Variants in IL5RA observed in about 807,000 individuals in gnomAD.
IL5RA encodes the protein interleukin 5 receptor subunit alpha, also known as interleukin-5 receptor subunit alpha.
A neutral mutation model predicts 50.0 loss-of-function variants in IL5RA; 49 were observed. That is an observed-to-expected ratio of 0.98 (90% CI 0.78 to 1.24). The LOEUF is 1.24. Ranked by LOEUF, IL5RA falls within the 50% of genes most tolerant of loss-of-function variation. The pLI, the probability that IL5RA is intolerant of heterozygous loss-of-function variation, is 0.00. For synonymous variants in IL5RA, 202 were observed against 174.0 expected, an observed-to-expected ratio of 1.16 and a Z score of -1.26; for missense variants, 600 against 500.4, an observed-to-expected ratio of 1.20 and a Z score of -1.90.
At chr3:3,086,172 C>G (rs1702853782) in intron 9 of IL5RA, among the ~76,000 whole-genome samples, 1 of 152,220 alleles carries the variant, frequency 6.6e-6, no homozygotes, top group African/African-American at 2.4e-5. Context: ...TGACCAAAGA[C>G]ACGGCCAGAA....
At chr3:3,088,199 C>T (rs182832951) in intron 9 of IL5RA, among the ~76,000 whole-genome samples, 13 of 152,250 alleles carry the variant, frequency 8.5e-5, no homozygotes, top group Non-Finnish European at 1.5e-4. Flanking sequence ...TTAAAATAAG[C>T]GCTCGTTATG....
chr3:3,071,876 C>T (rs1311409976), intron 11 of IL5RA, among the ~76,000 whole-genome samples: 1 of 152,176 alleles, frequency 6.6e-6, no homozygotes, highest in Non-Finnish European at 1.5e-5. Context: ...AGGTATGAGC[C>T]ACTGTGACCG....
chr3:3,104,921 A>G lies in IL5RA; in HGVS notation c.64T>C (p.Leu22=), dbSNP rs750349582. The change falls in exon 3 of 12, where the codon TTA becomes CTA. Residue 22 remains leucine (L), a synonymous_variant. Transcript: ENST00000446632. Reference sequence around the variant, plus strand: ...TCCTTACTCTTTTCATCAGGAAGTAAGTCAGCTTGCAGTATCTCAGTGGCC... The same window carrying G: ...TCCTTACTCTTTTCATCAGGAAGTAGGTCAGCTTGCAGTATCTCAGTGGCC... ...LGATEILQAD[L]LPDEKISLLP... 5 of 1,609,484 alleles carry G rather than the reference A, an allele frequency of 3.1e-6. No homozygotes were observed. In the African/African-American group the frequency reaches 6.7e-5, roughly 22 times the overall value.
intron 7 of IL5RA, among the ~76,000 whole-genome samples, chr3:3,096,474 C>T (rs2125978554): frequency 6.6e-6 from 1 of 152,144 alleles, no homozygotes; most frequent in Admixed American, 6.5e-5. Flanking sequence ...TAGGGAAAAG[C>T]TAGGAGTGGG....
chr3:3,075,263 C>T (rs1002405019), intron 10 of IL5RA, among the ~76,000 whole-genome samples: 21 of 119,664 alleles, frequency 1.8e-4, no homozygotes, highest in Non-Finnish European at 9.7e-5. Flanking sequence ...AGTGCAGTGG[C>T]GCCATCGTGG....
chr3:3,078,716 C>T (rs149661760), intron 9 of IL5RA, among the ~76,000 whole-genome samples: 137 of 152,192 alleles, frequency 9.0e-4, no homozygotes, highest in African/African-American at 3.1e-3. Context: ...TGCTTGTAGT[C>T]CCAGCTACTC....
rs191101691 is a variant in IL5RA, at chr3:3,069,138, C to T, written c.*1087G>A. ...TTCTTGACCAAGGGCCATGTGGAAT[C>T]AGCACTGTTTGGGTTCCTTCCTCTT... On this transcript the variant is annotated 3_prime_UTR_variant, in exon 12 of 12. Transcript: ENST00000446632. 4.6e-5 allele frequency: 7 copies of T among 152,404 alleles called. No individual in the cohort carries two copies. The highest frequency in any genetic ancestry group is 4.6e-4 in the Admixed American group (7 of 15,300). The allele number at this position is 152,404 out of a possible 1,614,324, so 9.4% of individuals were successfully genotyped here.
rs777177490 is a variant in IL5RA at position 3,069,864 on chromosome 3, A to G, written c.*361T>C. 18 of 178,770 alleles carry G rather than the reference A, an allele frequency of 1.0e-4. No homozygotes were observed. Among genetic ancestry groups the G allele is most frequent in the Non-Finnish European group, 1.7e-4 (15 of 85,862 alleles). 11.1% of individuals were successfully genotyped at this position (178,770 alleles called of 1,614,324 possible). A position where few individuals can be genotyped will look rare whatever the true frequency, so the allele number is the denominator to read the frequency against. On this transcript the variant is annotated 3_prime_UTR_variant, in exon 12 of 12. Coordinates refer to ENST00000446632, the MANE Select transcript of IL5RA (RefSeq NM_175726.4). ...CTTAAACAGCCAAACGGGCACAGCC[A>G]GAAGTAAATACAGCTGGACGTTAGC... is the stretch of plus-strand genomic sequence containing the variant.
At chr3:3,103,999 G>A (rs1438061205) in intron 3 of IL5RA, among the ~76,000 whole-genome samples, 1 of 152,026 alleles carries the variant, frequency 6.6e-6, no homozygotes, top group African/African-American at 2.4e-5. Flanking sequence ...TGTCCATTAC[G>A]GTAGCCACTG....
chr3:3,109,700 T>C (rs537142240), intron 1 of IL5RA, among the ~76,000 whole-genome samples: 23 of 152,282 alleles, frequency 1.5e-4, no homozygotes, highest in African/African-American at 5.3e-4. Context: ...ATGGGACCAT[T>C]ATTAGTTCTG....
chr3:3,083,391 G>A (rs935271879), intron 9 of IL5RA, among the ~76,000 whole-genome samples: 2 of 152,204 alleles, frequency 1.3e-5, no homozygotes, highest in African/African-American at 4.8e-5. Flanking sequence ...TGCATTAACC[G>A]AATAGAGAGA....
chr3:3,073,951 G>T lies in IL5RA; in HGVS notation c.1176+831C>A. On this transcript the variant is annotated intron_variant, in intron 11 of 11. Coordinates refer to ENST00000446632, the MANE Select transcript of IL5RA (RefSeq NM_175726.4). ...GTATTGGCATAAAGATAGACAAATA[G>T]ATCGATAAAACCAATCAGATAGTCC... 1.2e-5 allele frequency: 3 copies of T among 258,278 alleles called. 1 individual carries two copies. The highest frequency in any genetic ancestry group is 1.1e-4 in the South Asian group (3 of 26,414). The allele number at this position is 258,278 out of a possible 1,614,324, so 16.0% of individuals were successfully genotyped here.
Position 3,097,907 on chromosome 3 carries a change from G to A in IL5RA, c.672C>T (p.Ile224=). Residue 224 remains isoleucine, a synonymous_variant, in exon 7 of 12, where the codon ATC becomes ATT. Coordinates refer to ENST00000446632, the MANE Select transcript of IL5RA (RefSeq NM_175726.4). The part of the protein sequence containing the change: ...LVNGSSKHSA[I]RPFDQLFALH... ...GGGCAAACAGCTGATCAAAGGGCCT[G>A]ATAGCAGAGTGCTTGCTGGAGCCGT... The A allele has an allele frequency of 6.2e-7, 1 of 1,614,204 alleles. No individual in the cohort carries two copies. The highest frequency in any genetic ancestry group is 2.2e-5 in the East Asian group (1 of 44,880).
chr3:3,099,828 C>G (rs148003451), intron 5 of IL5RA, among the ~76,000 whole-genome samples: 5,257 of 152,054 alleles, frequency 0.035, 221 homozygotes, highest in African/African-American at 0.098. Flanking sequence ...TGCCACCACA[C>G]TCAGCTAATT....
At chr3:3,075,563 A>C (rs983597113) in intron 10 of IL5RA, among the ~76,000 whole-genome samples, 2 of 151,106 alleles carry the variant, frequency 1.3e-5, no homozygotes, top group African/African-American at 4.9e-5. Context: ...ATGCCATCCG[A>C]ATATAACGTT....
chr3:3,102,892 A>C, intron 3 of IL5RA, 72 bp from the exon 4 acceptor site: 1 of 1,303,548 alleles, frequency 7.7e-7, no homozygotes, highest in Non-Finnish European at 1.1e-6. Context: ...AAACTTTTCG[A>C]ATATTTATTG....
chr3:3,075,203 C>CA (rs35270536), intron 10 of IL5RA, among the ~76,000 whole-genome samples: 5 of 69,940 alleles, frequency 7.1e-5, no homozygotes, highest in Non-Finnish European at 9.9e-5. Flanking sequence ...AGTTTACTTA[C>CA]TTTTTTTTTT....
rs1702144120 is a variant in IL5RA, at chr3:3,066,676, A to G, written c.*3549T>C. Reference sequence around the variant, plus strand: ...TTCCACCAGCAGATGGTCCTGACACATAGAAGTCTCACCATGAAAACGTTT... The same window carrying G: ...TTCCACCAGCAGATGGTCCTGACACGTAGAAGTCTCACCATGAAAACGTTT... On this transcript the variant is annotated 3_prime_UTR_variant, in exon 12 of 12. Coordinates refer to ENST00000446632, the MANE Select transcript of IL5RA (RefSeq NM_175726.4). 1 of 152,234 alleles carries G rather than the reference A, an allele frequency of 6.6e-6. No individual in the cohort carries two copies. The highest frequency in any genetic ancestry group is 1.5e-5 in the Non-Finnish European group (1 of 68,050). 9.4% of individuals were successfully genotyped at this position (152,234 alleles called of 1,614,324 possible).
chr3:3,070,390 G>A, intron 11 of IL5RA, 79 bp from the exon 12 acceptor site: 1 of 817,216 alleles, frequency 1.2e-6, no homozygotes, highest in East Asian at 2.5e-5. Context: ...TTGGCTTTAA[G>A]TCTATTATTT....
Sources: gnomAD v4.1 joint callset for allele counts (sites outside exome capture counted in the v4.1 genomes callset) on GRCh38, gnomAD v4.1.1 for gene constraint, MANE v1.5 for transcripts, NCBI Gene and HGNC (gene_info 2026-07-23, HGNC 2026-07-21) for gene names.